The following ERG variants were observed in gnomAD, a reference collection of about 807,000 sequenced individuals.
The protein encoded by ERG is ETS transcription factor ERG, also known as transcriptional regulator ERG.
A neutral mutation model predicts 55.3 loss-of-function variants in ERG; 9 were observed. The observed-to-expected ratio is 0.16, with a 90% CI of 0.10 to 0.28. ERG has a LOEUF of 0.28. ERG is among the 10% of genes least tolerant of loss of function. The probability of loss-of-function intolerance (pLI) is 1.00; values close to 1 mark genes in which losing one functional copy is unlikely to be tolerated. For synonymous variants in ERG, 223 were observed against 237.3 expected (o/e 0.94, Z 0.55); for missense variants, 434 against 631.6 (o/e 0.69, Z 3.35).
intron 1 of ERG, among the ~76,000 whole-genome samples, chr21:38,487,446 C>A (rs1418091273): frequency 6.6e-6 from 1 of 152,028 alleles, no homozygotes; most frequent in Non-Finnish European, 1.5e-5. Flanking sequence ...CCTGTATTTG[C>A]TACAGGCTAA....
chr21:38,387,487 G>A (rs1219632525), intron 9 of ERG, among the ~76,000 whole-genome samples: 1 of 152,178 alleles, frequency 6.6e-6, no homozygotes, highest in Admixed American at 6.5e-5. Flanking sequence ...GCCCTTTGTG[G>A]GACGTTTGGC....
intron 1 of ERG, among the ~76,000 whole-genome samples, chr21:38,602,449 A>C (rs2060170438): frequency 6.6e-6 from 1 of 152,008 alleles, no homozygotes; most frequent in South Asian, 2.1e-4. Context: ...TGTCTCAAAA[A>C]TAAATAAATA....
intron 2 of ERG, among the ~76,000 whole-genome samples, chr21:38,567,944 G>C (rs2059933292): frequency 6.6e-6 from 1 of 152,180 alleles, no homozygotes; most frequent in South Asian, 2.1e-4. Context: ...TTCCGTCTAT[G>C]AAACAGACAC....
chr21:38,654,010 TTTA>T (rs1295346212), intron 1 of ERG, among the ~76,000 whole-genome samples: 1 of 152,250 alleles, frequency 6.6e-6, no homozygotes, highest in Admixed American at 6.5e-5. Context: ...ATGAAATGAT[TTTA>T]TTGACTTACC....
At chr21:38,518,009 A>T (rs557192546) in intron 2 of ERG, among the ~76,000 whole-genome samples, 1 of 152,240 alleles carries the variant, frequency 6.6e-6, no homozygotes, top group East Asian at 1.9e-4. Flanking sequence ...ACATACAGTT[A>T]GATAGAAGGA....
At chr21:38,570,049 T>A (rs1051126138) in intron 2 of ERG, among the ~76,000 whole-genome samples, 3 of 152,144 alleles carry the variant, frequency 2.0e-5, no homozygotes, top group Non-Finnish European at 4.4e-5. Flanking sequence ...GGTGCTCAGG[T>A]ACAAGGGAAT....
rs1260539535 is a variant in ERG at position 38,392,408 on chromosome 21, G to A, written c.782C>T (p.Thr261Ile). ...CTGGGGCGTGGGGTGGCCGTGACCGGTCCAGGCTGATCTCCTGGGGGGCTC... is the reference window on the plus strand; with the variant it reads ...CTGGGGCGTGGGGTGGCCGTGACCGATCCAGGCTGATCTCCTGGGGGGCTC... ...PYEPPRRSAW[T>I]GHGHPTPQSK... Residue 261 changes from threonine to isoleucine, a missense_variant, in exon 7 of 10, where the codon ACC (threonine) becomes ATC (isoleucine). Coordinates refer to ENST00000288319, the MANE Select transcript of ERG (RefSeq NM_182918.4). 2 of 1,566,186 alleles carry A rather than the reference G, an allele frequency of 1.3e-6. No individual in the cohort carries two copies. Among genetic ancestry groups the A allele is most frequent in the South Asian group, 1.2e-5 (1 of 85,162 alleles).
chr21:38,477,849 G>A (rs756314758), intron 1 of ERG, among the ~76,000 whole-genome samples: 11 of 152,228 alleles, frequency 7.2e-5, no homozygotes, highest in Non-Finnish European at 1.3e-4. Context: ...ACCTGTTAAT[G>A]TGACTGCAAC....
chr21:38,567,591 A>C (rs1438741661), intron 2 of ERG, among the ~76,000 whole-genome samples: 3 of 152,162 alleles, frequency 2.0e-5, no homozygotes, highest in Admixed American at 1.3e-4. Context: ...GGGCGGGGGA[A>C]CTCTGTCTCT....
chr21:38,423,084 AGTGT>A (rs71184624), intron 3 of ERG, among the ~76,000 whole-genome samples: 9,285 of 144,346 alleles, frequency 0.064, 320 homozygotes, highest in Non-Finnish European at 0.076. Flanking sequence ...CTCCATACGT[AGTGT>A]GTGTGTGTGT....
downstream of ERG, among the ~76,000 whole-genome samples, chr21:38,377,560 G>A (rs912132218): frequency 2.0e-5 from 3 of 152,198 alleles, no homozygotes; most frequent in African/African-American, 7.2e-5. Context: ...AAATTAATAA[G>A]AGAACTTACT....
At chr21:38,644,186 GC>G (rs2060442347) in intron 1 of ERG, among the ~76,000 whole-genome samples, 1 of 152,184 alleles carries the variant, frequency 6.6e-6, no homozygotes, top group South Asian at 2.1e-4. Context: ...GCAGCCACTG[GC>G]TTCTGAAATC....
At chr21:38,588,362 C>A (rs924505989), upstream of ERG, among the ~76,000 whole-genome samples, 7 of 152,142 alleles carry the variant, frequency 4.6e-5, no homozygotes, top group Non-Finnish European at 8.8e-5. Flanking sequence ...GCCAGTGGGA[C>A]AAACCACATG....
intron 1 of ERG, among the ~76,000 whole-genome samples, chr21:38,461,701 C>CA (rs1304241011): frequency 6.6e-6 from 1 of 152,102 alleles, no homozygotes; most frequent in African/African-American, 2.4e-5. Context: ...AAAGAGATTG[C>CA]AAAAAATGCA....
chr21:38,411,857 A>C (rs533722474), intron 3 of ERG, among the ~76,000 whole-genome samples: 1 of 152,280 alleles, frequency 6.6e-6, no homozygotes, highest in African/African-American at 2.4e-5. Context: ...AGTTCATTAC[A>C]TATTTCAAGG....
chr21:38,402,186 AG>A (rs1485911459), intron 5 of ERG, among the ~76,000 whole-genome samples: 1 of 152,222 alleles, frequency 6.6e-6, no homozygotes, highest in East Asian at 1.9e-4. Flanking sequence ...GAGGTTGCTA[AG>A]GGCCCTTTTA....
At chr21:38,641,691 C>T (rs1293872500) in intron 1 of ERG, among the ~76,000 whole-genome samples, 1 of 151,852 alleles carries the variant, frequency 6.6e-6, no homozygotes, top group Non-Finnish European at 1.5e-5. Context: ...TCATTATTTA[C>T]CTTTTAAAAG....
chr21:38,557,674 T>A (rs1035713400), intron 2 of ERG, among the ~76,000 whole-genome samples: 1 of 152,184 alleles, frequency 6.6e-6, no homozygotes, highest in Non-Finnish European at 1.5e-5. Flanking sequence ...ACAATTTAGA[T>A]GTAAAACCTC....
intron 7 of ERG, among the ~76,000 whole-genome samples, chr21:38,392,090 G>A (rs1462234425): frequency 6.6e-6 from 1 of 152,134 alleles, no homozygotes; most frequent in Admixed American, 6.5e-5. Flanking sequence ...CAAGATTCAG[G>A]AAAACACCGA....
Sources: gnomAD v4.1 joint callset for allele counts (sites outside exome capture counted in the v4.1 genomes callset) on GRCh38, gnomAD v4.1.1 for gene constraint, MANE v1.5 for transcripts, NCBI Gene and HGNC (gene_info 2026-07-23, HGNC 2026-07-21) for gene names.